Variants in COL25A1 observed in about 807,000 individuals in gnomAD.
COL25A1 encodes collagen type XXV alpha 1 chain.
In COL25A1, 103 loss-of-function variants were observed where a neutral mutation model predicts 128.4. That is an observed-to-expected ratio of 0.80 (90% CI 0.68 to 0.94). The LOEUF is 0.94. Among genes scored for constraint, COL25A1 ranks in the 40% least tolerant of loss-of-function variants. COL25A1 has a pLI of 0.00. For missense variants in COL25A1, 745 were observed against 840.0 expected, an observed-to-expected ratio of 0.89 and a Z score of 1.40; for synonymous variants, 279 against 277.2, an observed-to-expected ratio of 1.01 and a Z score of -0.06.
chr4:108,911,973 C>T (rs567867827), intron 13 of COL25A1, among the ~76,000 whole-genome samples: 5 of 151,946 alleles, frequency 3.3e-5, no homozygotes, highest in African/African-American at 4.8e-5. Flanking sequence ...TAAATAAAGT[C>T]GGGAGAAAGT....
intron 35 of COL25A1, chr4:108,819,899 CT>C: frequency 8.2e-7 from 1 of 1,212,798 alleles, no homozygotes; most frequent in Non-Finnish European, 1.0e-6. Context: ...CCTTTTCCCC[CT>C]GTGGATACAA....
intron 11 of COL25A1, among the ~76,000 whole-genome samples, 194 bp downstream of exon 11, chr4:108,937,614 C>T (rs2062400626): frequency 6.6e-6 from 1 of 152,128 alleles, no homozygotes; most frequent in African/African-American, 2.4e-5. Context: ...CTTTCTTTTT[C>T]TCCTGCAACA....
chr4:109,160,431 T>C (rs1409047400), intron 3 of COL25A1, among the ~76,000 whole-genome samples: 4 of 152,330 alleles, frequency 2.6e-5, no homozygotes, highest in African/African-American at 9.6e-5. Context: ...GCCTTGGAAA[T>C]TGGCCATACT....
chr4:108,879,677 C>A (rs1739882247), intron 19 of COL25A1, among the ~76,000 whole-genome samples: 1 of 152,110 alleles, frequency 6.6e-6, no homozygotes, highest in African/African-American at 2.4e-5. Flanking sequence ...GAACTCCTGA[C>A]CTCAAGTGAT....
chr4:109,130,673 G>A (rs1400272651), intron 3 of COL25A1, among the ~76,000 whole-genome samples: 1 of 152,118 alleles, frequency 6.6e-6, no homozygotes, highest in East Asian at 1.9e-4. Flanking sequence ...TTAGTTGATG[G>A]TCTTGATTTA....
chr4:109,109,386 C>T (rs1010738168), intron 3 of COL25A1, among the ~76,000 whole-genome samples: 1 of 152,174 alleles, frequency 6.6e-6, no homozygotes, highest in African/African-American at 2.4e-5. Context: ...TTCCTCTTTT[C>T]ATGTCTACCA....
intron 3 of COL25A1, among the ~76,000 whole-genome samples, chr4:109,107,653 TAGACGGAGAAATTAG>T (rs1766572294): frequency 6.6e-6 from 1 of 152,166 alleles, no homozygotes; most frequent in African/African-American, 2.4e-5. Flanking sequence ...TTACATAAAA[TAGACGGAGAAATTAG>T]AGATGCCAGC....
At chr4:108,819,945 A>G in intron 35 of COL25A1, 1 of 907,408 alleles carries the variant, frequency 1.1e-6, no homozygotes, top group Non-Finnish European at 1.4e-6. Flanking sequence ...ATTTGGGGGA[A>G]AATAACGGTA....
chr4:109,222,767 A>C (rs2126211265), intron 3 of COL25A1, among the ~76,000 whole-genome samples: 1 of 152,278 alleles, frequency 6.6e-6, no homozygotes, highest in Non-Finnish European at 1.5e-5. Flanking sequence ...GATTAAGCAA[A>C]CCTATATTGC....
At chr4:109,084,848 T>C (rs1764215371) in intron 3 of COL25A1, among the ~76,000 whole-genome samples, 1 of 152,230 alleles carries the variant, frequency 6.6e-6, no homozygotes, top group South Asian at 2.1e-4. Flanking sequence ...TACTGTCTAG[T>C]ACTCCTTTGT....
At chr4:108,816,300 G>A (rs1167537691) in intron 37 of COL25A1, among the ~76,000 whole-genome samples, 1 of 152,128 alleles carries the variant, frequency 6.6e-6, no homozygotes, top group Non-Finnish European at 1.5e-5. Context: ...GAGTTGCTAA[G>A]GTAAGAGGCA....
At chr4:109,219,786 C>A (rs1179329405) in intron 3 of COL25A1, among the ~76,000 whole-genome samples, 1 of 152,132 alleles carries the variant, frequency 6.6e-6, no homozygotes. Context: ...TTCTTGAGAT[C>A]ACCTTCTATA....
chr4:109,065,546 G>A (rs989981381), intron 3 of COL25A1, among the ~76,000 whole-genome samples: 14 of 42,250 alleles, frequency 3.3e-4, no homozygotes, highest in African/African-American at 1.1e-3. Context: ...GCGCGCGCGC[G>A]TGTGTGTGTG....
At position 108,852,885 on chromosome 4, in the gene COL25A1, C is replaced by T. The variant is rs1280999870; in HGVS notation, c.1344+17G>A. The T allele has an allele frequency of 1.9e-6, 3 of 1,606,220 alleles. No individual in the cohort carries two copies. The highest frequency in any genetic ancestry group is 2.6e-6 in the Non-Finnish European group (3 of 1,175,904). On this transcript the variant is annotated intron_variant, in intron 25 of 37. Coordinates refer to ENST00000399132, the MANE Select transcript of COL25A1 (RefSeq NM_198721.4). ...ATACAAAACCACAAACCACAGAAAG[C>T]ATGCAATAGGAGTTACCGTGACAGT...
At chr4:109,175,739 C>A (rs866602028) in intron 3 of COL25A1, among the ~76,000 whole-genome samples, 1 of 152,164 alleles carries the variant, frequency 6.6e-6, no homozygotes, top group Non-Finnish European at 1.5e-5. Context: ...CTAAGCCACA[C>A]AAAATGCCAT....
chr4:108,910,906 T>A (rs528543937), intron 13 of COL25A1, among the ~76,000 whole-genome samples: 1 of 152,290 alleles, frequency 6.6e-6, no homozygotes, highest in African/African-American at 2.4e-5. Flanking sequence ...AAGAGAAACC[T>A]GAAAGGAATT....
chr4:109,256,205 T>C (rs750490800), intron 3 of COL25A1, among the ~76,000 whole-genome samples: 7 of 152,032 alleles, frequency 4.6e-5, no homozygotes, highest in African/African-American at 1.7e-4. Context: ...GTGTGTCTGA[T>C]ACTTTGAAAA....
intron 19 of COL25A1, among the ~76,000 whole-genome samples, chr4:108,882,273 G>A (rs201207020): frequency 1.3e-5 from 1 of 76,776 alleles, no homozygotes; most frequent in East Asian, 6.6e-4. Flanking sequence ...TTTTTTTTTT[G>A]CCTTTGGAGG....
chr4:109,096,961 C>T (rs540489886), intron 3 of COL25A1, among the ~76,000 whole-genome samples: 2 of 152,148 alleles, frequency 1.3e-5, no homozygotes, highest in Non-Finnish European at 1.5e-5. Context: ...ACTGGGCAAC[C>T]GTAATAGCAG....
Sources: allele counts gnomAD v4.1 joint callset (sites outside exome capture counted in the v4.1 genomes callset), GRCh38; gene constraint gnomAD v4.1.1; transcripts MANE v1.5; gene names NCBI Gene and HGNC (gene_info 2026-07-23, HGNC 2026-07-21).